CACNA1A: variants seen among roughly 807,000 people sequenced by gnomAD.
CACNA1A encodes the protein calcium voltage-gated channel subunit alpha1 A, also known as voltage-dependent P/Q-type calcium channel subunit alpha-1A.
A neutral mutation model predicts 262.4 loss-of-function variants in CACNA1A; 57 were observed. The observed-to-expected ratio is 0.22, with a 90% CI of 0.18 to 0.27. The LOEUF (loss-of-function observed/expected upper bound fraction) is 0.27. CACNA1A is among the 10% of genes least tolerant of loss of function. The probability of loss-of-function intolerance (pLI) is 1.00; values close to 1 mark genes in which losing one functional copy is unlikely to be tolerated. For synonymous variants in CACNA1A, 1,431 were observed against 1,419.3 expected (o/e 1.01, Z -0.18); for missense variants, 2,526 against 3,562.8 (o/e 0.71, Z 7.41).
intron 24 of CACNA1A, among the ~76,000 whole-genome samples, chr19:13,266,586 T>A (rs956714591): frequency 2.0e-5 from 3 of 151,734 alleles, no homozygotes; most frequent in South Asian, 2.1e-4. Flanking sequence ...TTTTATATAT[T>A]TTTTTGAGAC....
intron 1 of CACNA1A, among the ~76,000 whole-genome samples, chr19:13,464,433 A>T (rs2061183214): frequency 6.6e-6 from 1 of 152,188 alleles, no homozygotes; most frequent in South Asian, 2.1e-4. Context: ...TTTTTAAAAA[A>T]GAAAACTTAA....
intron 1 of CACNA1A, among the ~76,000 whole-genome samples, chr19:13,497,988 C>G (rs910200953): frequency 6.6e-6 from 1 of 151,838 alleles, no homozygotes; most frequent in Non-Finnish European, 1.5e-5. Context: ...CTTCCCTCCT[C>G]TTTTCCTCCT....
chr19:13,224,505 A>G (rs866964830), intron 38 of CACNA1A, among the ~76,000 whole-genome samples, 162 bp downstream of exon 38: 1 of 138,202 alleles, frequency 7.2e-6, no homozygotes. Flanking sequence ...AAAAAAAAAA[A>G]CACCAAAACC....
intron 36 of CACNA1A, among the ~76,000 whole-genome samples, chr19:13,228,108 A>G (rs1051164342): frequency 6.6e-6 from 1 of 151,606 alleles, no homozygotes; most frequent in Non-Finnish European, 1.5e-5. Context: ...GGTTCTTGCT[A>G]TGTTGCCCAG....
intron 3 of CACNA1A, among the ~76,000 whole-genome samples, chr19:13,443,946 T>C (rs1185763036): frequency 6.6e-6 from 1 of 152,170 alleles, no homozygotes; most frequent in Non-Finnish European, 1.5e-5. Flanking sequence ...CATAAAACTC[T>C]TAATGTAGTC....
intron 15 of CACNA1A, chr19:13,306,469 C>A: frequency 6.6e-6 from 1 of 152,370 alleles, no homozygotes; most frequent in South Asian, 2.1e-4. Flanking sequence ...GCAATCCTCC[C>A]GCCTTGGTCT....
chr19:13,306,059 C>CAAAAA (rs34439709), intron 15 of CACNA1A, among the ~76,000 whole-genome samples: 1 of 139,878 alleles, frequency 7.1e-6, no homozygotes. Flanking sequence ...GACTCCATCT[C>CAAAAA]AAAAAAAAAA....
intron 1 of CACNA1A, among the ~76,000 whole-genome samples, chr19:13,491,352 C>T (rs920381568): frequency 1.3e-5 from 2 of 152,076 alleles, no homozygotes; most frequent in Admixed American, 1.3e-4. Context: ...TTCTATAAAG[C>T]TTAGGGGCTC....
intron 10 of CACNA1A, among the ~76,000 whole-genome samples, chr19:13,318,713 C>T (rs992632946): frequency 1.3e-5 from 2 of 151,840 alleles, no homozygotes; most frequent in Admixed American, 6.6e-5. Context: ...GCTGATGGAA[C>T]GGTGTGGATG....
In CACNA1A at chr19:13,298,816, G is replaced by C; in HGVS notation, c.2817C>G (p.Ser939Arg). The change falls in exon 19 of 47, where the codon AGC (serine) becomes AGG (arginine). Residue 939 changes from serine to arginine, a missense_variant. Ser to Arg is a moderately radical substitution (Grantham distance 110). This residue lies in a region of CACNA1A where 765 missense variants were observed against 748.6 expected (regional missense o/e 1.02). Coordinates refer to ENST00000360228, the MANE Select transcript of CACNA1A (RefSeq NM_001127222.2). ...GCGGGGACCCGCTGCGGCTCTCCCT[G>C]CTGCCCCCCTGCCGGTGCACGTGCC... ...HRRHVHRQGG[S>R]RESRSGSPRT... is the part of the protein sequence containing the mutation. 2 of 1,569,898 alleles carry C rather than the reference G, an allele frequency of 1.3e-6. No individual in the cohort carries two copies. Among genetic ancestry groups the C allele is most frequent in the Non-Finnish European group, 1.7e-6 (2 of 1,168,546 alleles).
intron 3 of CACNA1A, among the ~76,000 whole-genome samples, chr19:13,416,797 A>G (rs2060230181): frequency 6.6e-6 from 1 of 152,146 alleles, no homozygotes; most frequent in Admixed American, 6.5e-5. Flanking sequence ...CCCAGGCAAC[A>G]GTGCTACACT....
At chr19:13,280,319 G>A (rs1940314024) in intron 22 of CACNA1A, among the ~76,000 whole-genome samples, 1 of 151,290 alleles carries the variant, frequency 6.6e-6, no homozygotes, top group Non-Finnish European at 1.5e-5. Context: ...GGGACCACAG[G>A]TGTGCACCAC....
chr19:13,445,890 A>C (rs2060801122), intron 3 of CACNA1A, among the ~76,000 whole-genome samples: 1 of 152,246 alleles, frequency 6.6e-6, no homozygotes. Flanking sequence ...CCCAAGAAGA[A>C]GGTAAACACC....
In CACNA1A at chr19:13,277,125, G is replaced by A; in HGVS notation, c.3826C>T (p.Leu1276=). The A allele has an allele frequency of 6.2e-7, 1 of 1,610,700 alleles. No homozygotes were observed. Among genetic ancestry groups the A allele is most frequent in the Non-Finnish European group, 8.5e-7 (1 of 1,177,034 alleles). ...VQPNAPRNNV[L]RYFDYVFTGV... is the part of the protein sequence containing the mutation. ...GTAAAAACGTAGTCAAAGTATCGCA[G>A]CACCTGTAAGGGATAAAAGCAAGAG... is the stretch of plus-strand genomic sequence containing the variant. Residue 1276 remains leucine (L), a synonymous_variant, in exon 23 of 47, where the codon CTG becomes TTG. Transcript: ENST00000360228.
chr19:13,456,504 C>G (rs1425371433), intron 1 of CACNA1A, among the ~76,000 whole-genome samples: 2 of 151,700 alleles, frequency 1.3e-5, no homozygotes, highest in Admixed American at 1.3e-4. Flanking sequence ...AACCCTATCT[C>G]TACTAAAAAA....
At chr19:13,397,249 G>A (rs1239472218) in intron 3 of CACNA1A, among the ~76,000 whole-genome samples, 1 of 152,158 alleles carries the variant, frequency 6.6e-6, no homozygotes, top group Non-Finnish European at 1.5e-5. Flanking sequence ...TCAAGAGGGA[G>A]GGATGCTCTA....
chr19:13,306,924 C>A (rs1022348806), intron 15 of CACNA1A, among the ~76,000 whole-genome samples: 1 of 152,232 alleles, frequency 6.6e-6, no homozygotes, highest in Non-Finnish European at 1.5e-5. Context: ...CTTGGTCCTG[C>A]ATGGTGTGCT....
chr19:13,212,281 AG>A lies in CACNA1A; in HGVS notation c.6190-66del. 6.3e-7 allele frequency: 1 copy of A among 1,575,408 alleles called. No individual in the cohort carries two copies. The highest frequency in any genetic ancestry group is 1.3e-5 in the African/African-American group (1 of 74,356). ...TGACCTCCAGATCCCTGGTGTCTGCAGAGGGAGGGAGCTGCAGGTGTGTGTG... is the reference window on the plus strand; with the variant it reads ...TGACCTCCAGATCCCTGGTGTCTGCAAGGGAGGGAGCTGCAGGTGTGTGTG... On this transcript the variant is annotated intron_variant, in intron 42 of 46. Coordinates refer to ENST00000360228, the MANE Select transcript of CACNA1A (RefSeq NM_001127222.2). The surrounding 1 kb of genome is among the most constrained non-coding windows in gnomAD (Gnocchi z 5.6).
In CACNA1A at chr19:13,236,887, A is replaced by G. The variant is rs1439106657; in HGVS notation, c.4951-1157T>C. On this transcript the variant is annotated intron_variant, in intron 31 of 46. Transcript: ENST00000360228. This position sits in a 1 kb window ranked among gnomAD's most constrained non-coding sequence, Gnocchi z 4.6. ...GTTAAGTGGCCATTGTGGGGCTTCA[A>G]GGGACCTTGGTGGGGGGGGTGGGAC... 6.6e-6 allele frequency among the ~76,000 whole-genome samples: 1 copy of G among 152,024 alleles called. No individual in the cohort carries two copies. Among genetic ancestry groups the G allele is most frequent in the Non-Finnish European group, 1.5e-5 (1 of 67,986 alleles).
Sources: allele counts gnomAD v4.1 joint callset (sites outside exome capture counted in the v4.1 genomes callset), GRCh38; gene constraint gnomAD v4.1.1; regional missense constraint gnomAD v4.1.1; non-coding constraint Gnocchi (gnomAD v3.1); transcripts MANE v1.5; gene names NCBI Gene and HGNC (gene_info 2026-07-23, HGNC 2026-07-21).